LRRC7: variants seen among roughly 807,000 people sequenced by gnomAD.
LRRC7 encodes the protein leucine rich repeat containing 7, also known as leucine-rich repeat-containing protein 7.
A neutral mutation model predicts 175.7 loss-of-function variants in LRRC7; 23 were observed. The ratio of observed to expected loss-of-function variants is 0.13; its 90% CI spans 0.09 to 0.19. The LOEUF is 0.19. Ranked by LOEUF, LRRC7 falls within the 10% of genes least tolerant of loss-of-function variation. The pLI is 1.00. For synonymous variants in LRRC7, 685 were observed against 680.9 expected, an observed-to-expected ratio of 1.01 and a Z score of -0.09; for missense variants, 1,354 against 1,904.7, an observed-to-expected ratio of 0.71 and a Z score of 5.38.
rs1176972651 is a variant in LRRC7, at chr1:69,717,781, A to G, written c.100+39303A>G. Reference sequence around the variant, plus strand: ...ATGAAAAAAAGAAAAAAAGAAAGAAAGAAAGAAAGAAAGAAAGAAAGAAAG... The same window carrying G: ...ATGAAAAAAAGAAAAAAAGAAAGAAGGAAAGAAAGAAAGAAAGAAAGAAAG... On this transcript the variant is annotated intron_variant, in intron 2 of 26. Transcript: ENST00000651989. 1.5e-3 allele frequency among the ~76,000 whole-genome samples: 37 copies of G among 24,356 alleles called. 7 individuals are homozygous for G. The highest frequency in any genetic ancestry group is 7.5e-3 in the African/African-American group (36 of 4,828). The allele number at this position is 24,356 out of a possible 152,430, so 16.0% of individuals were successfully genotyped here.
At chr1:70,021,393 G>GAA in intron 16 of LRRC7, 1 of 256,194 alleles carries the variant, frequency 3.9e-6, no homozygotes, top group African/African-American at 2.3e-5. Context: ...AGGGAAAGTA[G>GAA]AAAAAAAAAT....
intron 2 of LRRC7, among the ~76,000 whole-genome samples, chr1:69,718,119 A>AAGAAAAGAAAGAGAGAG (rs1665863055): frequency 1.3e-5 from 1 of 79,752 alleles, no homozygotes; most frequent in Non-Finnish European, 2.4e-5. Context: ...AAAAGAAAGA[A>AAGAAAAGAAAGAGAGAG]AGAAAGAAAA....
intron 1 of LRRC7, among the ~76,000 whole-genome samples, chr1:69,677,174 G>A (rs1001200982): frequency 9.6e-5 from 13 of 135,758 alleles, no homozygotes; most frequent in South Asian, 8.0e-4. Flanking sequence ...ATATATGAGC[G>A]TGTGTATATA....
rs748864507 is a variant in LRRC7, at chr1:70,134,053, AACTAGGCATCT to A, written c.*12169_*12179del. On this transcript the variant is annotated 3_prime_UTR_variant, in exon 27 of 27. Coordinates refer to ENST00000651989, the MANE Select transcript of LRRC7 (RefSeq NM_001370785.2). ...TATAGCTTTATTTCCATCTGGCAAT[AACTAGGCATCT>A]ACAATAAACGCCTAATTTTTCATTT... Among the ~76,000 whole-genome samples, 11 of 152,262 alleles carry A rather than the reference AACTAGGCATCT, an allele frequency of 7.2e-5. No individual in the cohort carries two copies. Among genetic ancestry groups the A allele is most frequent in the Non-Finnish European group, 1.2e-4 (8 of 68,044 alleles).
At chr1:69,947,738 G>C (rs1649488910) in intron 8 of LRRC7, among the ~76,000 whole-genome samples, 1 of 152,014 alleles carries the variant, frequency 6.6e-6, no homozygotes, top group Admixed American at 6.6e-5. Context: ...ACCCACAACA[G>C]ATGCCTGAAA....
chr1:70,120,341 T>G (rs1433080559), intron 26 of LRRC7, among the ~76,000 whole-genome samples: 1 of 152,220 alleles, frequency 6.6e-6, no homozygotes, highest in East Asian at 1.9e-4. Flanking sequence ...TTTTTACTTC[T>G]AATTACATGA....
At chr1:69,701,275 T>C (rs1570417917) in intron 2 of LRRC7, among the ~76,000 whole-genome samples, 1 of 151,910 alleles carries the variant, frequency 6.6e-6, no homozygotes, top group African/African-American at 2.4e-5. Context: ...AGTAAATGAG[T>C]ATAAAAATTC....
At chr1:69,834,176 A>G (rs1036661039) in intron 5 of LRRC7, among the ~76,000 whole-genome samples, 2 of 152,064 alleles carry the variant, frequency 1.3e-5, no homozygotes, top group Non-Finnish European at 2.9e-5. Flanking sequence ...TTGTCTAATT[A>G]TCTTTTCAAT....
chr1:69,991,003 AAATTACCCAGGCAC>A (rs1482761830), intron 10 of LRRC7, among the ~76,000 whole-genome samples: 2 of 152,116 alleles, frequency 1.3e-5, no homozygotes, highest in African/African-American at 4.8e-5. Flanking sequence ...ACAAATTAAA[AAATTACCCAGGCAC>A]AGTGGCACAC....
At chr1:69,731,293 C>G (rs530068724) in intron 2 of LRRC7, among the ~76,000 whole-genome samples, 1 of 152,044 alleles carries the variant, frequency 6.6e-6, no homozygotes, top group South Asian at 2.1e-4. Context: ...ATTACCCCCA[C>G]CCCCAAAAAA....
intron 2 of LRRC7, among the ~76,000 whole-genome samples, chr1:69,744,133 T>A (rs916834803): frequency 2.0e-5 from 3 of 151,898 alleles, no homozygotes; most frequent in African/African-American, 7.2e-5. Context: ...AATATATTTT[T>A]AAAATATAAA....
chr1:69,956,191 C>CTT (rs1650467119), intron 8 of LRRC7, among the ~76,000 whole-genome samples: 1 of 151,824 alleles, frequency 6.6e-6, no homozygotes, highest in African/African-American at 2.4e-5. Context: ...TACACAATTT[C>CTT]TTTAGTTTTT....
At chr1:69,893,485 T>C (rs79590411) in intron 7 of LRRC7, among the ~76,000 whole-genome samples, 1,894 of 152,354 alleles carry the variant, frequency 0.012, 33 homozygotes, top group African/African-American at 0.043. Context: ...AATTTTTGTT[T>C]CAGCTTATGC....
At chr1:70,015,305 A>G (rs781367069) in intron 13 of LRRC7, among the ~76,000 whole-genome samples, 6 of 151,986 alleles carry the variant, frequency 3.9e-5, no homozygotes, top group Non-Finnish European at 8.8e-5. Flanking sequence ...TTGCCTTTCA[A>G]TCTCTTTTCA....
chr1:69,672,659 A>T (rs1190163396), intron 1 of LRRC7, among the ~76,000 whole-genome samples: 1 of 152,200 alleles, frequency 6.6e-6, no homozygotes, highest in Non-Finnish European at 1.5e-5. Context: ...CCAGTGAGCC[A>T]ATCATTCTCC....
At chr1:69,581,128 G>A (rs1269704523) in intron 1 of LRRC7, among the ~76,000 whole-genome samples, 15 of 152,168 alleles carry the variant, frequency 9.9e-5, no homozygotes, top group Admixed American at 9.8e-4. Flanking sequence ...TACTGACCAG[G>A]TTAAGAATTT....
chr1:69,700,365 T>G (rs1360872066), intron 2 of LRRC7, among the ~76,000 whole-genome samples: 1 of 152,232 alleles, frequency 6.6e-6, no homozygotes, highest in African/African-American at 2.4e-5. Context: ...GCAAACACTA[T>G]GTAACTATGT....
chr1:70,036,287 A>G, intron 19 of LRRC7, 55 bp downstream of exon 19: 1 of 1,480,434 alleles, frequency 6.8e-7, no homozygotes, highest in Non-Finnish European at 9.3e-7. Context: ...TGCATGATGA[A>G]TCGCCAGTTG....
At chr1:69,922,216 G>T (rs557064429) in intron 7 of LRRC7, among the ~76,000 whole-genome samples, 7 of 152,074 alleles carry the variant, frequency 4.6e-5, no homozygotes, top group African/African-American at 1.7e-4. Flanking sequence ...ATGAGCCACC[G>T]TGCCCGGCAC....
Sources: allele counts gnomAD v4.1 joint callset (sites outside exome capture counted in the v4.1 genomes callset), GRCh38; gene constraint gnomAD v4.1.1; transcripts MANE v1.5; gene names NCBI Gene and HGNC (gene_info 2026-07-23, HGNC 2026-07-21).